Variants in DAB2IP observed in about 807,000 individuals in gnomAD.
The protein encoded by DAB2IP is DAB2 interacting protein.
A neutral mutation model predicts 107.2 loss-of-function variants in DAB2IP; 28 were observed. That is an observed-to-expected ratio of 0.26 (90% CI 0.19 to 0.36). The LOEUF (loss-of-function observed/expected upper bound fraction) is 0.36. DAB2IP is among the 10% of genes least tolerant of loss of function. DAB2IP has a pLI of 1.00. For missense variants in DAB2IP, 1,400 were observed against 1,644.7 expected (o/e 0.85, Z 2.57); for synonymous variants, 755 against 706.4 (o/e 1.07, Z -1.09).
chr9:121,660,015 G>A (rs34049944), intron 1 of DAB2IP, among the ~76,000 whole-genome samples: 24,601 of 151,880 alleles, frequency 0.16, 2,611 homozygotes, highest in Non-Finnish European at 0.23. Flanking sequence ...GGAGCTCAGA[G>A]GCCAAGGGGA....
intron 1 of DAB2IP, among the ~76,000 whole-genome samples, chr9:121,627,120 AACAC>A (rs55977828): frequency 0.64 from 95,587 of 148,804 alleles, 31,924 homozygotes; most frequent in Non-Finnish European, 0.75. Context: ...ACCCCTACTC[AACAC>A]ACACACACAC....
rs1831109671 is a variant in DAB2IP, at chr9:121,611,901, G to A, written c.40+44673G>A. Among the ~76,000 whole-genome samples, 3 of 152,302 alleles carry A rather than the reference G, an allele frequency of 2.0e-5. No homozygotes were observed. The South Asian group carries it at 6.2e-4, about 32-fold the overall frequency. On this transcript the variant is annotated intron_variant, in intron 1 of 16. Transcript: ENST00000259371. The stretch of plus-strand genomic sequence containing the variant: ...TGCCCAGCCTAGATTAAAATTATAC[G>A]TGCAAAGAAAGAACACAGTACAGTG...
chr9:121,606,351 G>A (rs1319862526), intron 1 of DAB2IP, among the ~76,000 whole-genome samples: 2 of 148,776 alleles, frequency 1.3e-5, no homozygotes, highest in African/African-American at 2.4e-5. Context: ...GTGACAGAGT[G>A]AGATTCTGTC....
chr9:121,720,550 A>G (rs1487116904), intron 3 of DAB2IP, among the ~76,000 whole-genome samples: 1 of 152,186 alleles, frequency 6.6e-6, no homozygotes, highest in Non-Finnish European at 1.5e-5. Context: ...CTGTAGCCTC[A>G]GGTCACATCT....
chr9:121,702,453 C>T lies in DAB2IP; in HGVS notation c.362+2995C>T, dbSNP rs921584257. 3.9e-5 allele frequency among the ~76,000 whole-genome samples: 6 copies of T among 152,240 alleles called. No homozygotes were observed. The highest frequency in any genetic ancestry group is 1.9e-4 in the East Asian group (1 of 5,184). ...AGCCTTCGGACTTATTCTTCTGAAA[C>T]GGCCTCAGGGGAGGTTGCCAGCTGG... On this transcript the variant is annotated intron_variant, in intron 3 of 15. Coordinates refer to ENST00000408936, the Ensembl canonical transcript of DAB2IP. The surrounding 1 kb of genome is among the most constrained non-coding windows in gnomAD (Gnocchi z 4.5).
At chr9:121,605,137 A>G (rs1208818714) in intron 1 of DAB2IP, among the ~76,000 whole-genome samples, 1 of 152,046 alleles carries the variant, frequency 6.6e-6, no homozygotes, top group East Asian at 1.9e-4. Flanking sequence ...CTCCCACCTC[A>G]GCCTCCCAAG....
intron 6 of DAB2IP, among the ~76,000 whole-genome samples, chr9:121,762,829 G>A (rs185568339): frequency 2.0e-5 from 3 of 152,278 alleles, no homozygotes; most frequent in East Asian, 3.9e-4. Context: ...GAAGGTGTGG[G>A]TTCGGGCTCC....
chr9:121,674,982 G>A (rs1381349068), intron 1 of DAB2IP, among the ~76,000 whole-genome samples: 1 of 152,096 alleles, frequency 6.6e-6, no homozygotes, highest in Non-Finnish European at 1.5e-5. Flanking sequence ...AGACCCCTGT[G>A]GGGCAGCCTG....
chr9:121,747,343 C>CTTT (rs10626616), intron 3 of DAB2IP, among the ~76,000 whole-genome samples: 20 of 131,036 alleles, frequency 1.5e-4, no homozygotes, highest in African/African-American at 2.8e-4. Context: ...TCCTTAGATG[C>CTTT]TTTTTTTTTT....
chr9:121,680,451 G>A (rs570162769), intron 2 of DAB2IP, among the ~76,000 whole-genome samples: 3 of 152,284 alleles, frequency 2.0e-5, no homozygotes, highest in Admixed American at 6.5e-5. Flanking sequence ...GCGCTGAGAC[G>A]ATTCAGGGTC....
intron 1 of DAB2IP, among the ~76,000 whole-genome samples, chr9:121,638,006 C>T (rs374472645): frequency 1.3e-5 from 2 of 152,222 alleles, no homozygotes; most frequent in East Asian, 3.9e-4. Context: ...GTGACACCCC[C>T]CTCCCCCCAT....
chr9:121,664,512 T>C (rs1158165879), intron 1 of DAB2IP, among the ~76,000 whole-genome samples: 1 of 152,254 alleles, frequency 6.6e-6, no homozygotes, highest in Non-Finnish European at 1.5e-5. Context: ...TACTGAGTTT[T>C]CCAAGCCTTG....
chr9:121,772,482 C>G lies in DAB2IP; in HGVS notation c.2079-125C>G. 1 of 1,048,582 alleles carries G rather than the reference C, an allele frequency of 9.5e-7. No individual in the cohort carries two copies. The highest frequency in any genetic ancestry group is 1.4e-6 in the Non-Finnish European group (1 of 711,002). 65.0% of individuals were successfully genotyped at this position (1,048,582 alleles called of 1,614,324 possible). ...CTGCCACCCCAGCGCATCCATCTCC[C>G]CAGCGCTGGCTCAGGCTGCCAGGCC... On this transcript the variant is annotated intron_variant, in intron 11 of 15. Transcript: ENST00000408936. The surrounding 1 kb of genome is among the most constrained non-coding windows in gnomAD (Gnocchi z 4.7).
rs12004451 is a variant in DAB2IP, at chr9:121,771,816, A to G, written c.2079-791A>G. The stretch of plus-strand genomic sequence containing the variant: ...CTTCCTCTCCGTCTGAGGCTAAGCC[A>G]ACCCATTCCCCATTCCAAGCCATAT... On this transcript the variant is annotated intron_variant, in intron 11 of 15. Coordinates refer to ENST00000408936, the Ensembl canonical transcript of DAB2IP. 5.5e-3 allele frequency among the ~76,000 whole-genome samples: 844 copies of G among 152,104 alleles called. 10 individuals carry two copies. The highest frequency in any genetic ancestry group is 0.019 in the African/African-American group (804 of 41,498).
intron 3 of DAB2IP, among the ~76,000 whole-genome samples, chr9:121,730,299 G>A (rs745671755): frequency 2.0e-5 from 3 of 152,162 alleles, no homozygotes; most frequent in Non-Finnish European, 4.4e-5. Context: ...TTATTTTCTC[G>A]AAGACAGAAC....
intron 3 of DAB2IP, among the ~76,000 whole-genome samples, chr9:121,732,014 G>A (rs1157638824): frequency 3.3e-5 from 5 of 152,176 alleles, no homozygotes; most frequent in Non-Finnish European, 7.3e-5. Flanking sequence ...AATGGCTCTG[G>A]TGGGAGCCCA....
At position 121,772,967 on chromosome 9, in the gene DAB2IP, C is replaced by T. The variant is rs1384724986; in HGVS notation, c.2439C>T (p.Ser813=). ...AGACACCAACCACACCAGGCACCTCCGAGGGCGCGCCAGGCCGGCCCCAGC... is the reference window on the plus strand; with the variant it reads ...AGACACCAACCACACCAGGCACCTCTGAGGGCGCGCCAGGCCGGCCCCAGC... Residue 813 remains serine (S), a synonymous_variant, in exon 12 of 16, where the codon TCC becomes TCT. Coordinates refer to ENST00000408936, the Ensembl canonical transcript of DAB2IP. The surrounding 1 kb of genome is among the most constrained non-coding windows in gnomAD (Gnocchi z 4.7). The T allele has an allele frequency of 1.3e-5, 20 of 1,592,884 alleles. No homozygotes were observed. Among genetic ancestry groups the T allele is most frequent in the Admixed American group, 1.7e-5 (1 of 59,144 alleles).
intron 1 of DAB2IP, among the ~76,000 whole-genome samples, chr9:121,610,424 C>T (rs1201820294): frequency 6.6e-6 from 1 of 152,172 alleles, no homozygotes; most frequent in Non-Finnish European, 1.5e-5. Flanking sequence ...GTTTTCACCT[C>T]TGTTTTGCAG....
chr9:121,750,217 A>G (rs1833007596), intron 3 of DAB2IP, among the ~76,000 whole-genome samples: 1 of 152,238 alleles, frequency 6.6e-6, no homozygotes, highest in Non-Finnish European at 1.5e-5. Flanking sequence ...TTCATAAGGA[A>G]TAGAGACTCG....
Sources: gnomAD v4.1 joint callset for allele counts (sites outside exome capture counted in the v4.1 genomes callset) on GRCh38, gnomAD v4.1.1 for gene constraint, Gnocchi (gnomAD v3.1) non-coding constraint, MANE v1.5 for transcripts, NCBI Gene and HGNC (gene_info 2026-07-23, HGNC 2026-07-21) for gene names.